CCSER1: variants seen among roughly 807,000 people sequenced by gnomAD.
CCSER1 encodes serine-rich coiled-coil domain-containing protein 1.
CCSER1 carries 41 observed loss-of-function variants against 82.0 expected under a neutral mutation model. The observed-to-expected ratio is 0.50, with a 90% CI of 0.39 to 0.65. The LOEUF is 0.65. Ranked by LOEUF, CCSER1 falls within the 30% of genes least tolerant of loss-of-function variation. The pLI, the probability that CCSER1 is intolerant of heterozygous loss-of-function variation, is 0.00. For missense variants in CCSER1, 1,119 were observed against 1,064.2 expected (o/e 1.05, Z -0.72); for synonymous variants, 414 against 383.9 (o/e 1.08, Z -0.92).
intron 8 of CCSER1, among the ~76,000 whole-genome samples, chr4:90,887,449 G>A (rs956170497): frequency 6.6e-6 from 1 of 152,140 alleles, no homozygotes; most frequent in Non-Finnish European, 1.5e-5. Context: ...TGGGCAATTT[G>A]TTACAGAAAT....
At chr4:91,534,266 T>C (rs1357340618) in intron 10 of CCSER1, among the ~76,000 whole-genome samples, 3 of 152,090 alleles carry the variant, frequency 2.0e-5, no homozygotes, top group African/African-American at 7.2e-5. Context: ...TGTGCATTTC[T>C]GTCTCTATCA....
At chr4:91,339,045 C>G in intron 10 of CCSER1, among the ~76,000 whole-genome samples, 1 of 152,074 alleles carries the variant, frequency 6.6e-6, no homozygotes, top group Admixed American at 6.6e-5. Flanking sequence ...TTTTATTCTT[C>G]TGACTTTTGG....
chr4:90,664,108 G>C (rs1731298841), intron 6 of CCSER1, among the ~76,000 whole-genome samples: 1 of 152,140 alleles, frequency 6.6e-6, no homozygotes, highest in Non-Finnish European at 1.5e-5. Context: ...TCATGTATGA[G>C]ACCGGCTTTT....
At chr4:90,171,640 T>C (rs758002979) in intron 1 of CCSER1, among the ~76,000 whole-genome samples, 4 of 151,892 alleles carry the variant, frequency 2.6e-5, no homozygotes, top group Non-Finnish European at 5.9e-5. Context: ...TTACAGTCTG[T>C]GGGGATTAGT....
chr4:91,602,600 A>T lies in CCSER1; in HGVS notation c.*3543A>T, dbSNP rs1029778881. Among the ~76,000 whole-genome samples, 1 of 152,064 alleles carries T rather than the reference A, an allele frequency of 6.6e-6. No individual in the cohort carries two copies. The highest frequency in any genetic ancestry group is 2.4e-5 in the African/African-American group (1 of 41,446). On this transcript the variant is annotated 3_prime_UTR_variant, in exon 11 of 11. Transcript: ENST00000509176. The stretch of plus-strand genomic sequence containing the variant: ...GTGGATAATTTGGAATACTTAGCAT[A>T]ATCTCATAATTATAATCTAAATTTT...
chr4:91,518,302 C>T (rs529390735), intron 10 of CCSER1, among the ~76,000 whole-genome samples: 11 of 152,250 alleles, frequency 7.2e-5, no homozygotes, highest in East Asian at 5.8e-4. Flanking sequence ...ATGGAGCAGC[C>T]GCTCTGTGGG....
chr4:91,444,135 ATATACT>A (rs1349613666), intron 10 of CCSER1, among the ~76,000 whole-genome samples: 1 of 152,176 alleles, frequency 6.6e-6, no homozygotes, highest in African/African-American at 2.4e-5. Flanking sequence ...GTGCGATCAC[ATATACT>A]TAGATATTTT....
Position 90,963,605 on chromosome 4 carries a change from G to A in CCSER1, c.2172+40158G>A, listed in dbSNP as rs541482765. On this transcript the variant is annotated intron_variant, in intron 9 of 10. Coordinates refer to ENST00000509176, the MANE Select transcript of CCSER1 (RefSeq NM_001145065.2). ...TGTAAGAAGACGGAAAACATGCACCGAGAAAAGGCCATTTGAGGGCACAGT... is the reference window on the plus strand; with the variant it reads ...TGTAAGAAGACGGAAAACATGCACCAAGAAAAGGCCATTTGAGGGCACAGT... Among the ~76,000 whole-genome samples the A allele has an allele frequency of 2.6e-5, 4 of 152,114 alleles. No individual in the cohort carries two copies. In the South Asian group the frequency reaches 8.3e-4, roughly 32 times the overall value.
intron 3 of CCSER1, among the ~76,000 whole-genome samples, chr4:90,382,444 C>T (rs548690208): frequency 6.6e-6 from 1 of 151,958 alleles, no homozygotes; most frequent in African/African-American, 2.4e-5. Context: ...TAAAGAAATT[C>T]CTCTTGATAA....
intron 5 of CCSER1, among the ~76,000 whole-genome samples, chr4:90,607,962 G>A (rs558650576): frequency 6.6e-6 from 1 of 152,222 alleles, no homozygotes; most frequent in African/African-American, 2.4e-5. Context: ...GAGTAAAAGT[G>A]TGTATTCTAT....
intron 8 of CCSER1, among the ~76,000 whole-genome samples, chr4:90,864,099 T>C (rs1765439879): frequency 6.6e-6 from 1 of 151,692 alleles, no homozygotes; most frequent in African/African-American, 2.4e-5. Flanking sequence ...ACTTGCTCAC[T>C]AATGTTTTCA....
intron 9 of CCSER1, among the ~76,000 whole-genome samples, chr4:91,006,087 T>A (rs1329308498): frequency 6.6e-6 from 1 of 152,230 alleles, no homozygotes; most frequent in East Asian, 1.9e-4. Context: ...ACTTTTAAGA[T>A]TCTTTTTTCT....
chr4:90,421,597 G>A (rs1195012368), intron 4 of CCSER1, among the ~76,000 whole-genome samples: 1 of 152,070 alleles, frequency 6.6e-6, no homozygotes, highest in Non-Finnish European at 1.5e-5. Flanking sequence ...TGTGGTTTAA[G>A]GCAGATGTTT....
chr4:90,506,112 G>T (rs1013512057), intron 5 of CCSER1, among the ~76,000 whole-genome samples: 3 of 152,142 alleles, frequency 2.0e-5, no homozygotes, highest in Non-Finnish European at 4.4e-5. Context: ...CTCAGAAAAT[G>T]TTGAATTAGT....
At chr4:91,146,941 A>T (rs1364287276) in intron 10 of CCSER1, among the ~76,000 whole-genome samples, 1 of 152,178 alleles carries the variant, frequency 6.6e-6, no homozygotes, top group Non-Finnish European at 1.5e-5. Context: ...TCCTTCACCA[A>T]GTCTGTTCCT....
chr4:90,684,101 A>C (rs917998452), intron 6 of CCSER1, among the ~76,000 whole-genome samples: 44 of 152,288 alleles, frequency 2.9e-4, no homozygotes, highest in Admixed American at 2.7e-3. Flanking sequence ...AATTTGAAAC[A>C]TTCTTATGAC....
At chr4:90,957,523 TC>T (rs1465650740) in intron 9 of CCSER1, among the ~76,000 whole-genome samples, 2 of 96,910 alleles carry the variant, frequency 2.1e-5, no homozygotes, top group Non-Finnish European at 4.3e-5. Flanking sequence ...TAACATAATA[TC>T]ATATATTATA....
chr4:90,385,792 G>C (rs1347882926), intron 3 of CCSER1, among the ~76,000 whole-genome samples: 2 of 151,824 alleles, frequency 1.3e-5, no homozygotes, highest in African/African-American at 4.8e-5. Flanking sequence ...ATCTTCTTTT[G>C]AAAAATGTCT....
chr4:91,084,182 T>C (rs1344054515), intron 9 of CCSER1, among the ~76,000 whole-genome samples: 3 of 152,138 alleles, frequency 2.0e-5, no homozygotes, highest in African/African-American at 7.2e-5. Flanking sequence ...TCCACCTGCC[T>C]GTGCCTCCCA....
Sources: allele counts gnomAD v4.1 joint callset (sites outside exome capture counted in the v4.1 genomes callset), GRCh38; gene constraint gnomAD v4.1.1; transcripts MANE v1.5; gene names NCBI Gene and HGNC (gene_info 2026-07-23, HGNC 2026-07-21).